CNTNAP2: variants seen among roughly 807,000 people sequenced by gnomAD.
CNTNAP2 encodes the protein contactin associated protein 2.
Under a neutral mutation model 155.2 loss-of-function variants are expected in CNTNAP2, and 98 were observed. The observed-to-expected ratio is 0.63, with a 90% CI of 0.54 to 0.75. CNTNAP2 has a LOEUF of 0.75. Ranked by LOEUF, CNTNAP2 falls within the 30% of genes least tolerant of loss-of-function variation. CNTNAP2 has a pLI of 0.00. For missense variants in CNTNAP2, 1,727 were observed against 1,688.1 expected (o/e 1.02, Z -0.40); for synonymous variants, 651 against 631.2 (o/e 1.03, Z -0.47).
At chr7:146,311,963 T>C (rs1433432862) in intron 1 of CNTNAP2, 1 of 152,154 alleles carries the variant, frequency 6.6e-6, no homozygotes, top group Non-Finnish European at 1.5e-5. Context: ...ACAACTACTC[T>C]AGTAAATTGA....
At chr7:147,627,113 AGGGG>A (rs200832350) in intron 12 of CNTNAP2, among the ~76,000 whole-genome samples, 1 of 152,156 alleles carries the variant, frequency 6.6e-6, no homozygotes, top group African/African-American at 2.4e-5. Flanking sequence ...CCCTAGGGTA[AGGGG>A]GGAAGCACCA....
chr7:146,954,123 T>A (rs1203681922), intron 3 of CNTNAP2, among the ~76,000 whole-genome samples: 2 of 152,006 alleles, frequency 1.3e-5, no homozygotes, highest in African/African-American at 4.8e-5. Flanking sequence ...TTTCTTGCTT[T>A]GAAATTTTAT....
chr7:147,248,584 G>A (rs1056337435), intron 8 of CNTNAP2, among the ~76,000 whole-genome samples: 7 of 152,156 alleles, frequency 4.6e-5, no homozygotes, highest in Admixed American at 1.3e-4. Flanking sequence ...TTATGGGGCC[G>A]GTGGCTGTCA....
chr7:146,879,621 C>T (rs1263708138), intron 3 of CNTNAP2, among the ~76,000 whole-genome samples: 1 of 152,008 alleles, frequency 6.6e-6, no homozygotes, highest in African/African-American at 2.4e-5. Context: ...AATTAAGGCA[C>T]AAGTAATTTG....
intron 12 of CNTNAP2, among the ~76,000 whole-genome samples, chr7:147,601,279 C>A (rs562737572): frequency 6.6e-5 from 10 of 151,836 alleles, no homozygotes; most frequent in Non-Finnish European, 1.5e-4. Flanking sequence ...CGGGTGCAGG[C>A]GGGCTGAGTC....
intron 13 of CNTNAP2, among the ~76,000 whole-genome samples, chr7:147,679,111 G>A (rs772969660): frequency 1.9e-4 from 29 of 151,866 alleles, no homozygotes; most frequent in South Asian, 4.2e-4. Flanking sequence ...TGACTTATCC[G>A]TCTTTATCAG....
At chr7:146,821,787 A>G (rs1713994121) in intron 2 of CNTNAP2, among the ~76,000 whole-genome samples, 1 of 151,946 alleles carries the variant, frequency 6.6e-6, no homozygotes, top group Non-Finnish European at 1.5e-5. Context: ...ATCTCACACC[A>G]GTTAGAATGG....
intron 1 of CNTNAP2, among the ~76,000 whole-genome samples, chr7:146,487,488 A>C (rs751938033): frequency 3.3e-5 from 5 of 152,218 alleles, no homozygotes; most frequent in Non-Finnish European, 7.3e-5. Flanking sequence ...AGACTGATCT[A>C]CAACTTAATG....
In CNTNAP2 at chr7:146,355,977, A is replaced by G. The variant is rs142088603; in HGVS notation, c.97+239004A>G. 5.4e-3 allele frequency among the ~76,000 whole-genome samples: 823 copies of G among 152,210 alleles called. 3 individuals carry two copies. The highest frequency in any genetic ancestry group is 0.01 in the Middle Eastern group (3 of 294). On this transcript the variant is annotated intron_variant, in intron 1 of 23. Transcript: ENST00000361727. ...AGCTTCTCCCCTGACTTAACCAAAT[A>G]TATCAAGCAAGAAAAACAACCCTCT...
chr7:148,098,444 GAAAAAAA>G lies in CNTNAP2; in HGVS notation c.2384-19655_2384-19649del, dbSNP rs61014019. 8.5e-4 allele frequency among the ~76,000 whole-genome samples: 48 copies of G among 56,406 alleles called. 1 individual carries two copies. The highest frequency in any genetic ancestry group is 3.4e-3 in the African/African-American group (43 of 12,484). The allele number at this position is 56,406 out of a possible 152,430, so 37.0% of individuals were successfully genotyped here. On this transcript the variant is annotated intron_variant, in intron 15 of 23. Coordinates refer to ENST00000361727, the MANE Select transcript of CNTNAP2 (RefSeq NM_014141.6). ...GGTGACAGAGCGAGACTCTGTCTCAGAAAAAAAAAAAAAAAAAAAAAAAAAGCATGCT... is the reference window on the plus strand; with the variant it reads ...GGTGACAGAGCGAGACTCTGTCTCAGAAAAAAAAAAAAAAAAAAGCATGCT...
intron 11 of CNTNAP2, among the ~76,000 whole-genome samples, chr7:147,495,985 T>C (rs1222919556): frequency 6.6e-6 from 1 of 152,108 alleles, no homozygotes; most frequent in Non-Finnish European, 1.5e-5. Context: ...TATTGTGAAC[T>C]GTGCATGCGA....
intron 4 of CNTNAP2, among the ~76,000 whole-genome samples, chr7:147,089,571 C>T (rs997292796): frequency 2.0e-5 from 3 of 152,092 alleles, no homozygotes; most frequent in Non-Finnish European, 4.4e-5. Context: ...GTCTCATCAA[C>T]TTTAGTCATG....
At chr7:148,320,376 CTTTTTTTTTTTTTTT>C (rs67424217) in intron 21 of CNTNAP2, among the ~76,000 whole-genome samples, 2 of 63,386 alleles carry the variant, frequency 3.2e-5, no homozygotes, top group Admixed American at 5.1e-4. Context: ...ATTTTTTTTT[CTTTTTTTTTTTTTTT>C]TTTTTTTTTT....
chr7:148,025,989 G>A (rs10250801), intron 15 of CNTNAP2, among the ~76,000 whole-genome samples: 9,493 of 152,252 alleles, frequency 0.062, 655 homozygotes, highest in African/African-American at 0.17. Context: ...TTGTCACACT[G>A]TATTGTTTGC....
At chr7:148,387,557 A>G (rs4726966) in intron 22 of CNTNAP2, among the ~76,000 whole-genome samples, 38,151 of 151,812 alleles carry the variant, frequency 0.25, 5,440 homozygotes, top group Non-Finnish European at 0.33. Flanking sequence ...ACAAGCAGCA[A>G]TGGGTCTCCT....
At chr7:147,835,556 A>G (rs1402062949) in intron 13 of CNTNAP2, among the ~76,000 whole-genome samples, 2 of 152,190 alleles carry the variant, frequency 1.3e-5, no homozygotes, top group Non-Finnish European at 2.9e-5. Flanking sequence ...ATAACACAGC[A>G]ATAATGCTCA....
At chr7:146,360,716 A>T (rs1228242932) in intron 1 of CNTNAP2, among the ~76,000 whole-genome samples, 1 of 152,194 alleles carries the variant, frequency 6.6e-6, no homozygotes, top group Non-Finnish European at 1.5e-5. Context: ...GAGCAGCTCC[A>T]CTGTATTCTG....
At chr7:147,486,411 T>C (rs549880378) in intron 11 of CNTNAP2, among the ~76,000 whole-genome samples, 1 of 152,274 alleles carries the variant, frequency 6.6e-6, no homozygotes. Flanking sequence ...CATTTATTAA[T>C]TAATCCGAGA....
chr7:146,165,894 C>T (rs117324224), intron 1 of CNTNAP2, among the ~76,000 whole-genome samples: 2 of 152,080 alleles, frequency 1.3e-5, no homozygotes, highest in African/African-American at 4.8e-5. Context: ...AATGGTATAT[C>T]AACCCTTCTT....
Sources: allele counts gnomAD v4.1 joint callset (sites outside exome capture counted in the v4.1 genomes callset), GRCh38; gene constraint gnomAD v4.1.1; transcripts MANE v1.5; gene names NCBI Gene and HGNC (gene_info 2026-07-23, HGNC 2026-07-21).